Variants in PAMR1 observed in about 807,000 individuals in gnomAD.
PAMR1 encodes the protein inactive serine protease PAMR1.
A neutral mutation model predicts 81.8 loss-of-function variants in PAMR1; 88 were observed. That is an observed-to-expected ratio of 1.08 (90% CI 0.91 to 1.28). The LOEUF (loss-of-function observed/expected upper bound fraction) is 1.28, where lower values mean the gene tolerates loss of function less well. Among genes scored for constraint, PAMR1 ranks in the 50% most tolerant of loss-of-function variants. PAMR1 has a pLI of 0.00. For synonymous variants in PAMR1, 336 were observed against 345.3 expected, an observed-to-expected ratio of 0.97 and a Z score of 0.30; for missense variants, 935 against 919.7, an observed-to-expected ratio of 1.02 and a Z score of -0.21.
chr11:35,509,037 T>C (rs1357244895), intron 1 of PAMR1, among the ~76,000 whole-genome samples: 1 of 152,198 alleles, frequency 6.6e-6, no homozygotes, highest in Non-Finnish European at 1.5e-5. Flanking sequence ...ATATATGCAG[T>C]CTGTCATTGA....
rs546873849 is a variant in PAMR1, at chr11:35,511,180, G to A, written c.73+14333C>T. Among the ~76,000 whole-genome samples the A allele has an allele frequency of 2.6e-5, 4 of 152,286 alleles. No individual in the cohort carries two copies. The South Asian group carries it at 8.3e-4, about 32-fold the overall frequency. ...ATCATCTTGCACAGCCCCTCACCAG[G>A]CTGACAAAATGTGCTTTACAACTAT... is the stretch of plus-strand genomic sequence containing the variant. On this transcript the variant is annotated intron_variant, in intron 1 of 10. Transcript: ENST00000619888.
chr11:35,490,514 T>C (rs759442510), intron 3 of PAMR1, among the ~76,000 whole-genome samples: 6 of 152,242 alleles, frequency 3.9e-5, no homozygotes, highest in Non-Finnish European at 5.9e-5. Context: ...TTGTCAGGCA[T>C]GGTGGCATGT....
At chr11:35,436,515 G>C (rs1856048605) in intron 8 of PAMR1, among the ~76,000 whole-genome samples, 1 of 152,122 alleles carries the variant, frequency 6.6e-6, no homozygotes, top group Non-Finnish European at 1.5e-5. Flanking sequence ...GAACTCCTGG[G>C]CTCAAGCAAT....
At chr11:35,474,550 T>A (rs1470339622) in intron 4 of PAMR1, 80 bp downstream of exon 4, 8 of 766,068 alleles carry the variant, frequency 1.0e-5, no homozygotes, top group Non-Finnish European at 1.7e-5. Context: ...CTCCAGAGGA[T>A]CCCAGTGACC....
chr11:35,464,745 G>T (rs1354642568), intron 6 of PAMR1, among the ~76,000 whole-genome samples: 2 of 152,162 alleles, frequency 1.3e-5, no homozygotes, highest in Non-Finnish European at 2.9e-5. Flanking sequence ...ACCAGGATTG[G>T]CCAGGAAAAA....
chr11:35,508,105 T>C (rs1851004508), intron 1 of PAMR1, among the ~76,000 whole-genome samples: 1 of 152,196 alleles, frequency 6.6e-6, no homozygotes, highest in Admixed American at 6.6e-5. Flanking sequence ...CTGGCTTGTC[T>C]CTTGCTGTTG....
At chr11:35,494,052 C>G in intron 2 of PAMR1, 44 bp downstream of exon 2, 1 of 1,535,174 alleles carries the variant, frequency 6.5e-7, no homozygotes, top group Non-Finnish European at 9.0e-7. Context: ...TTCATTACCT[C>G]CAACAACATG....
intron 6 of PAMR1, 59 bp from the exon 7 acceptor site, chr11:35,441,752 A>G: frequency 8.5e-7 from 1 of 1,172,166 alleles, no homozygotes; most frequent in Non-Finnish European, 1.2e-6. Context: ...CCATTTTAGA[A>G]TAGAATCTTT....
chr11:35,480,148 A>G (rs1438091599), intron 3 of PAMR1, among the ~76,000 whole-genome samples: 1 of 152,220 alleles, frequency 6.6e-6, no homozygotes, highest in African/African-American at 2.4e-5. Flanking sequence ...CAATTACCAT[A>G]ACTACTAACT....
intron 4 of PAMR1, among the ~76,000 whole-genome samples, chr11:35,474,327 C>A (rs142922031): frequency 6.6e-6 from 1 of 152,208 alleles, no homozygotes; most frequent in Non-Finnish European, 1.5e-5. Flanking sequence ...TAGGAACCAG[C>A]CCAGTCCGAG....
At chr11:35,523,022 T>C (rs1194912319) in intron 1 of PAMR1, among the ~76,000 whole-genome samples, 1 of 152,210 alleles carries the variant, frequency 6.6e-6, no homozygotes, top group African/African-American at 2.4e-5. Flanking sequence ...ATCCCATCAT[T>C]AAATTATTTT....
chr11:35,500,216 G>A (rs1410652286), intron 1 of PAMR1, among the ~76,000 whole-genome samples: 1 of 152,166 alleles, frequency 6.6e-6, no homozygotes, highest in Non-Finnish European at 1.5e-5. Flanking sequence ...GTGGTAATTT[G>A]TTACAGTATC....
intron 6 of PAMR1, among the ~76,000 whole-genome samples, chr11:35,444,724 C>G (rs1237542990): frequency 6.6e-6 from 1 of 152,124 alleles, no homozygotes; most frequent in Non-Finnish European, 1.5e-5. Context: ...ATACCAGTAC[C>G]ATGCTGTTTT....
chr11:35,466,706 G>A (rs1275328814), intron 6 of PAMR1, among the ~76,000 whole-genome samples: 3 of 122,196 alleles, frequency 2.5e-5, no homozygotes, highest in African/African-American at 6.5e-5. Flanking sequence ...TAGCCTGGGC[G>A]ACAGAGAGAG....
Position 35,474,758 on chromosome 11 carries a change from A to T in PAMR1, c.380-14T>A, listed in dbSNP as rs753133198. 6.4e-7 allele frequency: 1 copy of T among 1,574,688 alleles called. No individual in the cohort carries two copies. The highest frequency in any genetic ancestry group is 1.7e-5 in the Admixed American group (1 of 57,806). On this transcript the variant is annotated splice_polypyrimidine_tract_variant and intron_variant, in intron 3 of 10. Transcript: ENST00000619888. ...CCTGGCCACATCCTAAGAAAAGAAGAAAAGATTGGGACATAAAAATGGAGG... is the reference window on the plus strand; with the variant it reads ...CCTGGCCACATCCTAAGAAAAGAAGTAAAGATTGGGACATAAAAATGGAGG...
intron 1 of PAMR1, among the ~76,000 whole-genome samples, chr11:35,518,042 C>A (rs569160826): frequency 6.6e-6 from 1 of 152,282 alleles, no homozygotes; most frequent in South Asian, 2.1e-4. Context: ...ATTTGTATCT[C>A]ATTTCCACGA....
chr11:35,521,340 A>G (rs955496992), intron 1 of PAMR1, among the ~76,000 whole-genome samples: 1 of 152,012 alleles, frequency 6.6e-6, no homozygotes, highest in Non-Finnish European at 1.5e-5. Context: ...CCCTCCATTC[A>G]CCATCCAGCC....
At chr11:35,465,360 T>G (rs1047650253) in intron 6 of PAMR1, among the ~76,000 whole-genome samples, 3 of 152,252 alleles carry the variant, frequency 2.0e-5, no homozygotes, top group African/African-American at 7.2e-5. Context: ...CTTCAGAGTT[T>G]GGGGAACCCC....
intron 8 of PAMR1, 51 bp downstream of exon 8, chr11:35,439,576 G>T: frequency 7.1e-7 from 1 of 1,417,152 alleles, no homozygotes; most frequent in Non-Finnish European, 1.0e-6. Context: ...GGGAATGGAA[G>T]GGGAAATACT....
Sources: gnomAD v4.1 joint callset for allele counts (sites outside exome capture counted in the v4.1 genomes callset) on GRCh38, gnomAD v4.1.1 for gene constraint, MANE v1.5 for transcripts, NCBI Gene and HGNC (gene_info 2026-07-23, HGNC 2026-07-21) for gene names.